The following FAM171A1 variants were observed in gnomAD, a reference collection of about 807,000 sequenced individuals.
The protein encoded by FAM171A1 is family with sequence similarity 171 member A1.
In FAM171A1, 23 loss-of-function variants were observed where a neutral mutation model predicts 74.9. That is an observed-to-expected ratio of 0.31 (90% confidence interval 0.22 to 0.44). The LOEUF is 0.44. FAM171A1 is among the 20% of genes least tolerant of loss of function. The probability of loss-of-function intolerance (pLI) is 1.00; values close to 1 mark genes in which losing one functional copy is unlikely to be tolerated. For synonymous variants in FAM171A1, 527 were observed against 505.7 expected, an observed-to-expected ratio of 1.04 and a Z score of -0.57; for missense variants, 1,162 against 1,159.2, an observed-to-expected ratio of 1.00 and a Z score of -0.03.
Position 15,211,871 on chromosome 10 carries a change from C to G in FAM171A1, c.*1044G>C, listed in dbSNP as rs528088968. Reference sequence around the variant, plus strand: ...TAGGATTCCAGAGTTAATACGTAACCGTATATACAAACAGCCAAAAAACCA... The same window carrying G: ...TAGGATTCCAGAGTTAATACGTAACGGTATATACAAACAGCCAAAAAACCA... On this transcript the variant is annotated 3_prime_UTR_variant, in exon 8 of 8. Transcript: ENST00000378116. 3.3e-5 allele frequency: 5 copies of G among 152,196 alleles called. No individual in the cohort carries two copies. Among genetic ancestry groups the G allele is most frequent in the Non-Finnish European group, 7.4e-5 (5 of 68,012 alleles). The allele number at this position is 152,196 out of a possible 1,614,324, so 9.4% of individuals were successfully genotyped here. A position where few individuals can be genotyped will look rare whatever the true frequency, so the allele number is the denominator to read the frequency against.
At position 15,213,258 on chromosome 10, in the gene FAM171A1, G is replaced by C; in HGVS notation, c.2330C>G (p.Pro777Arg). Residue 777 changes from proline to arginine, a missense_variant, in exon 8 of 8, where the codon CCT becomes CGT. By Grantham distance (103) the Pro-to-Arg change is moderately radical. Coordinates refer to ENST00000378116, the MANE Select transcript of FAM171A1 (RefSeq NM_001010924.2). The surrounding 1 kb of genome is among the most constrained non-coding windows in gnomAD (Gnocchi z 6.8). ...GTAGGCCGTGCTGTCTGGGGCTCGA[G>C]GCTCTTTCTGCTGGTGCTCTTGGAC... ...PPVQEHQQKE[P>R]RAPDSTAYTQ... 6.2e-7 allele frequency: 1 copy of C among 1,614,094 alleles called. No individual in the cohort carries two copies. The highest frequency in any genetic ancestry group is 1.3e-5 in the African/African-American group (1 of 75,028).
chr10:15,346,356 T>C (rs906291016), intron 1 of FAM171A1, among the ~76,000 whole-genome samples: 1 of 152,152 alleles, frequency 6.6e-6, no homozygotes, highest in African/African-American at 2.4e-5. Flanking sequence ...CCTGGCCTCC[T>C]GAAGTACTGG....
intron 6 of FAM171A1, among the ~76,000 whole-genome samples, chr10:15,218,404 G>C (rs551582804): frequency 6.6e-6 from 1 of 152,136 alleles, no homozygotes; most frequent in Non-Finnish European, 1.5e-5. Context: ...ATCTCTGCCA[G>C]TACGATTCTT....
intron 1 of FAM171A1, among the ~76,000 whole-genome samples, chr10:15,366,744 C>G (rs928515394): frequency 1.3e-5 from 2 of 152,156 alleles, no homozygotes; most frequent in Admixed American, 6.5e-5. Context: ...TGCTGTCTAT[C>G]CAGTTTATTT....
intron 1 of FAM171A1, among the ~76,000 whole-genome samples, chr10:15,357,176 G>A (rs1319210699): frequency 1.3e-5 from 2 of 152,064 alleles, no homozygotes; most frequent in South Asian, 2.1e-4. Flanking sequence ...CCAGCTACTC[G>A]GGAGGCTGAG....
At chr10:15,350,649 CT>C (rs761496484) in intron 1 of FAM171A1, among the ~76,000 whole-genome samples, 2,006 of 124,944 alleles carry the variant, frequency 0.016, 13 homozygotes, top group Non-Finnish European at 0.023. Flanking sequence ...CCAATTCTCT[CT>C]TTTTTTTTTT....
chr10:15,233,960 G>A (rs971552713), intron 5 of FAM171A1, among the ~76,000 whole-genome samples: 1 of 151,784 alleles, frequency 6.6e-6, no homozygotes, highest in Non-Finnish European at 1.5e-5. Flanking sequence ...AGTGTACTAG[G>A]TGCTTTACGT....
At chr10:15,281,233 T>G (rs1323571378) in intron 2 of FAM171A1, among the ~76,000 whole-genome samples, 2 of 152,210 alleles carry the variant, frequency 1.3e-5, no homozygotes, top group Admixed American at 1.3e-4. Context: ...ATGCCATGCC[T>G]CCTGTATCTC....
At chr10:15,291,005 C>G (rs184982892) in intron 1 of FAM171A1, among the ~76,000 whole-genome samples, 61 of 152,292 alleles carry the variant, frequency 4.0e-4, no homozygotes, top group African/African-American at 1.4e-3. Context: ...CATGCACCAC[C>G]ACATCCAGCT....
chr10:15,237,380 G>A (rs979889769), intron 5 of FAM171A1: 4 of 152,118 alleles, frequency 2.6e-5, no homozygotes, highest in African/African-American at 9.7e-5. Context: ...TCTCATTTTG[G>A]GGGGAGACAA....
At chr10:15,262,473 T>G (rs1422729867) in intron 3 of FAM171A1, among the ~76,000 whole-genome samples, 1 of 151,950 alleles carries the variant, frequency 6.6e-6, no homozygotes, top group African/African-American at 2.4e-5. Flanking sequence ...GATGAAGACA[T>G]CCAGGAAGGC....
chr10:15,369,331 T>C (rs1162694607), intron 1 of FAM171A1, among the ~76,000 whole-genome samples: 1 of 150,764 alleles, frequency 6.6e-6, no homozygotes, highest in Non-Finnish European at 1.5e-5. Flanking sequence ...CAACTTGCTC[T>C]TTAAAATTAA....
intron 1 of FAM171A1, among the ~76,000 whole-genome samples, chr10:15,326,654 G>A (rs1464263127): frequency 6.7e-6 from 1 of 149,980 alleles, no homozygotes; most frequent in Non-Finnish European, 1.5e-5. Flanking sequence ...TTAAGATGGA[G>A]TCTCACTCTG....
chr10:15,318,566 C>A (rs1463683963), intron 1 of FAM171A1, among the ~76,000 whole-genome samples: 6 of 152,182 alleles, frequency 3.9e-5, no homozygotes, highest in Non-Finnish European at 8.8e-5. Flanking sequence ...AAATCCCCTA[C>A]CAAATGCCGG....
intron 5 of FAM171A1, among the ~76,000 whole-genome samples, chr10:15,247,326 C>T (rs1834447219): frequency 6.6e-6 from 1 of 152,102 alleles, no homozygotes; most frequent in Non-Finnish European, 1.5e-5. Flanking sequence ...TGCAGTGGCT[C>T]GATCATAGCG....
chr10:15,283,418 G>T (rs1208055754), intron 2 of FAM171A1, among the ~76,000 whole-genome samples: 1 of 152,038 alleles, frequency 6.6e-6, no homozygotes, highest in Non-Finnish European at 1.5e-5. Context: ...CATTGTATCT[G>T]TATCAAATCC....
chr10:15,242,213 T>C (rs1834372439), intron 5 of FAM171A1, among the ~76,000 whole-genome samples: 1 of 152,206 alleles, frequency 6.6e-6, no homozygotes, highest in African/African-American at 2.4e-5. Flanking sequence ...CTTTAGATTT[T>C]TTATTTAACT....
At chr10:15,305,012 C>T (rs1331693783) in intron 1 of FAM171A1, among the ~76,000 whole-genome samples, 4 of 152,200 alleles carry the variant, frequency 2.6e-5, no homozygotes, top group African/African-American at 9.6e-5. Flanking sequence ...GCTGGGATTA[C>T]AGGCATGAGC....
At chr10:15,326,774 C>T (rs939102349) in intron 1 of FAM171A1, among the ~76,000 whole-genome samples, 1 of 152,104 alleles carries the variant, frequency 6.6e-6, no homozygotes, top group Non-Finnish European at 1.5e-5. Context: ...ATTACAGGTG[C>T]CTGCCATCAT....
Sources: allele counts gnomAD v4.1 joint callset (sites outside exome capture counted in the v4.1 genomes callset), GRCh38; gene constraint gnomAD v4.1.1; non-coding constraint Gnocchi (gnomAD v3.1); transcripts MANE v1.5; gene names NCBI Gene and HGNC (gene_info 2026-07-23, HGNC 2026-07-21).